ATP8A2: variants seen among roughly 807,000 people sequenced by gnomAD.
ATP8A2 encodes the protein phospholipid-transporting ATPase IB.
A neutral mutation model predicts 165.6 loss-of-function variants in ATP8A2; 100 were observed. The ratio of observed to expected loss-of-function variants is 0.60; its 90% CI spans 0.51 to 0.71. The LOEUF is 0.71. Among genes scored for constraint, ATP8A2 ranks in the 30% least tolerant of loss-of-function variants. The pLI is 0.00. For synonymous variants in ATP8A2, 543 were observed against 548.8 expected, an observed-to-expected ratio of 0.99 and a Z score of 0.15; for missense variants, 1,227 against 1,479.5, an observed-to-expected ratio of 0.83 and a Z score of 2.80.
chr13:25,473,938 A>G (rs1323958533), intron 2 of ATP8A2, among the ~76,000 whole-genome samples: 1 of 152,248 alleles, frequency 6.6e-6, no homozygotes, highest in African/African-American at 2.4e-5. Context: ...AGCAATACTT[A>G]TGTCATCACT....
intron 27 of ATP8A2, among the ~76,000 whole-genome samples, chr13:25,779,200 T>A (rs982031822): frequency 1.3e-5 from 2 of 152,130 alleles, no homozygotes; most frequent in Non-Finnish European, 2.9e-5. Flanking sequence ...TAAGGACAGA[T>A]TGTATGCTTT....
chr13:25,975,312 G>A (rs993218579), intron 35 of ATP8A2, among the ~76,000 whole-genome samples: 3 of 152,120 alleles, frequency 2.0e-5, no homozygotes, highest in African/African-American at 7.2e-5. Context: ...GGTGGCTCAC[G>A]CCTGTAATCC....
At chr13:25,651,990 GT>G (rs2041824221) in intron 24 of ATP8A2, among the ~76,000 whole-genome samples, 1 of 152,024 alleles carries the variant, frequency 6.6e-6, no homozygotes. Context: ...ATCTCTAACT[GT>G]AATCAAACTA....
rs745441313 is a variant in ATP8A2, at chr13:25,737,781, C to T, written c.2385-31265C>T. ...CACTGCAAGCTCCACCTCCCAGGTTCATGCCATTCTTCTGCCTCAGCCTCC... is the reference window on the plus strand; with the variant it reads ...CACTGCAAGCTCCACCTCCCAGGTTTATGCCATTCTTCTGCCTCAGCCTCC... On this transcript the variant is annotated intron_variant, in intron 25 of 36. Transcript: ENST00000381655. 1.8e-4 allele frequency among the ~76,000 whole-genome samples: 28 copies of T among 152,226 alleles called. 1 individual carries two copies. Among genetic ancestry groups the T allele is most frequent in the Non-Finnish European group, 2.4e-4 (16 of 68,048 alleles).
intron 30 of ATP8A2, among the ~76,000 whole-genome samples, chr13:25,843,977 A>T (rs1297599621): frequency 6.6e-6 from 1 of 152,166 alleles, no homozygotes; most frequent in Non-Finnish European, 1.5e-5. Flanking sequence ...CCTGTAAAGA[A>T]GATTAAGACT....
chr13:25,675,107 T>C (rs1457538298), intron 24 of ATP8A2, among the ~76,000 whole-genome samples: 1 of 152,212 alleles, frequency 6.6e-6, no homozygotes, highest in Non-Finnish European at 1.5e-5. Flanking sequence ...TACAGCTAGA[T>C]TGTTTGCCTT....
At position 25,469,003 on chromosome 13, in the gene ATP8A2, A is replaced by T; in HGVS notation, c.103A>T (p.Lys35Ter). ...VGPVRSSLGYKKAEDEMSRAT... is the reference protein window; with the variant it reads ...VGPVRSSLGY ...ACCTGTTCGTTCTTCTTTGGGCTAT[A>T]AGAAGGCAGAGGATGAGATGTCCCG... Residue 35 changes from lysine (K) to a stop codon, truncating the protein, a stop_gained, in exon 2 of 37, where the codon AAG (lysine) becomes TAG (stop). Transcript: ENST00000381655. LOFTEE classifies it high-confidence loss of function. The T allele has an allele frequency of 6.2e-7, 1 of 1,613,928 alleles. No individual in the cohort carries two copies. The highest frequency in any genetic ancestry group is 8.5e-7 in the Non-Finnish European group (1 of 1,179,854).
chr13:26,004,919 G>A (rs1956710041), intron 35 of ATP8A2, among the ~76,000 whole-genome samples: 1 of 137,702 alleles, frequency 7.3e-6, no homozygotes, highest in African/African-American at 2.7e-5. Context: ...TGTATATATA[G>A]TCATCAGGGA....
intron 2 of ATP8A2, among the ~76,000 whole-genome samples, chr13:25,518,727 G>T (rs746287568): frequency 2.0e-5 from 3 of 152,176 alleles, no homozygotes; most frequent in African/African-American, 4.8e-5. Context: ...TCAGACTCCT[G>T]TGGTGCCTTG....
intron 27 of ATP8A2, among the ~76,000 whole-genome samples, chr13:25,795,793 AG>A (rs1478436518): frequency 6.6e-6 from 1 of 152,214 alleles, no homozygotes; most frequent in African/African-American, 2.4e-5. Flanking sequence ...AGAATACTCT[AG>A]AATTTTTTTC....
chr13:26,013,004 A>G (rs1566352422), intron 36 of ATP8A2, among the ~76,000 whole-genome samples: 1 of 152,030 alleles, frequency 6.6e-6, no homozygotes. Flanking sequence ...ATCATTGGGG[A>G]AAAACATCAT....
chr13:25,411,986 G>C (rs548532649), intron 1 of ATP8A2, among the ~76,000 whole-genome samples: 1 of 152,242 alleles, frequency 6.6e-6, no homozygotes, highest in South Asian at 2.1e-4. Context: ...CTGTAATTCT[G>C]TCTCTTCCTG....
intron 1 of ATP8A2, among the ~76,000 whole-genome samples, chr13:25,420,942 A>ATT (rs2034281498): frequency 6.6e-6 from 1 of 152,204 alleles, no homozygotes; most frequent in Admixed American, 6.5e-5. Flanking sequence ...ACTTTAAGAA[A>ATT]TTACTTCCAT....
chr13:25,555,520 C>T (rs2038955778), intron 13 of ATP8A2, among the ~76,000 whole-genome samples: 1 of 152,192 alleles, frequency 6.6e-6, no homozygotes, highest in Admixed American at 6.5e-5. Flanking sequence ...ACCTTTACCC[C>T]TGAACTCCTC....
rs1957135921 is a variant in ATP8A2, at chr13:26,024,727, C to T, written c.*4742C>T. On this transcript the variant is annotated 3_prime_UTR_variant, in exon 37 of 37. Transcript: ENST00000381655. ...TTGAGATATCCACTCTGCTCTTTCT[C>T]CCAGGCCTCAGACCAAGAAAAACAT... 1 of 152,206 alleles carries T rather than the reference C, an allele frequency of 6.6e-6. No individual in the cohort carries two copies. The allele number at this position is 152,206 out of a possible 1,614,324, so 9.4% of individuals were successfully genotyped here. A position where few individuals can be genotyped will look rare whatever the true frequency, so the allele number is the denominator to read the frequency against.
At chr13:25,487,792 A>T (rs946246844) in intron 2 of ATP8A2, among the ~76,000 whole-genome samples, 5 of 152,204 alleles carry the variant, frequency 3.3e-5, no homozygotes, top group African/African-American at 9.7e-5. Context: ...GAGAACTTTA[A>T]ATTATTAAAC....
At chr13:25,728,481 A>T (rs2043543266) in intron 25 of ATP8A2, among the ~76,000 whole-genome samples, 1 of 152,214 alleles carries the variant, frequency 6.6e-6, no homozygotes, top group Admixed American at 6.5e-5. Context: ...CTCCATCCAC[A>T]TCTTGAGTTG....
intron 1 of ATP8A2, among the ~76,000 whole-genome samples, chr13:25,392,380 T>C (rs1343475038): frequency 1.3e-5 from 2 of 152,210 alleles, no homozygotes; most frequent in African/African-American, 4.8e-5. Flanking sequence ...CTTCCTTACC[T>C]ATATTGTTTT....
chr13:25,881,670 A>G (rs1031005421), intron 33 of ATP8A2, among the ~76,000 whole-genome samples: 2 of 152,138 alleles, frequency 1.3e-5, no homozygotes, highest in African/African-American at 4.8e-5. Flanking sequence ...AGAAAGCCAG[A>G]AGTCACCATT....
Sources: gnomAD v4.1 joint callset for allele counts (sites outside exome capture counted in the v4.1 genomes callset) on GRCh38, gnomAD v4.1.1 for gene constraint, MANE v1.5 for transcripts, NCBI Gene and HGNC (gene_info 2026-07-23, HGNC 2026-07-21) for gene names.